The following TBCEL variants were observed in gnomAD, a reference collection of about 807,000 sequenced individuals.
The protein encoded by TBCEL is tubulin-specific chaperone cofactor E-like protein.
TBCEL carries 15 observed loss-of-function variants against 44.2 expected under a neutral mutation model. The ratio of observed to expected loss-of-function variants is 0.34; its 90% CI spans 0.23 to 0.52. The LOEUF (loss-of-function observed/expected upper bound fraction) is 0.52, where lower values mean the gene tolerates loss of function less well. Among genes scored for constraint, TBCEL ranks in the 20% least tolerant of loss-of-function variants. The pLI is 0.95. For synonymous variants in TBCEL, 171 were observed against 185.4 expected (o/e 0.92, Z 0.63); for missense variants, 319 against 506.3 (o/e 0.63, Z 3.55).
chr11:121,070,249 TTGG>T (rs1219671141), intron 8 of TBCEL, among the ~76,000 whole-genome samples: 1 of 152,232 alleles, frequency 6.6e-6, no homozygotes, highest in Non-Finnish European at 1.5e-5. Context: ...TTTTCCATAC[TTGG>T]TGGGAGTGTA....
At chr11:121,074,003 G>C (rs1945987114) in intron 8 of TBCEL, among the ~76,000 whole-genome samples, 1 of 151,874 alleles carries the variant, frequency 6.6e-6, no homozygotes, top group Non-Finnish European at 1.5e-5. Flanking sequence ...AAATTGGTCT[G>C]TAATTTTTTG....
chr11:121,039,842 G>A (rs1372029812), intron 2 of TBCEL, among the ~76,000 whole-genome samples: 3 of 152,024 alleles, frequency 2.0e-5, no homozygotes, highest in Non-Finnish European at 4.4e-5. Context: ...TTTTCAAATA[G>A]TGGTAGCAAA....
chr11:121,026,294 A>G (rs963401582), intron 1 of TBCEL, among the ~76,000 whole-genome samples: 1 of 152,358 alleles, frequency 6.6e-6, no homozygotes, highest in African/African-American at 2.4e-5. Flanking sequence ...GAAAAATAGT[A>G]TTAATTCATA....
chr11:121,057,849 C>T (rs1386970495), intron 6 of TBCEL, among the ~76,000 whole-genome samples: 1 of 151,742 alleles, frequency 6.6e-6, no homozygotes, highest in African/African-American at 2.4e-5. Context: ...CCCATGGATA[C>T]GAGGGACAGC....
At chr11:121,027,524 C>T (rs992673406) in intron 1 of TBCEL, among the ~76,000 whole-genome samples, 1 of 152,176 alleles carries the variant, frequency 6.6e-6, no homozygotes, top group African/African-American at 2.4e-5. Flanking sequence ...TACAGACTTC[C>T]TCTACTTTTT....
chr11:121,070,207 G>A (rs1231098862), intron 8 of TBCEL, among the ~76,000 whole-genome samples: 1 of 152,162 alleles, frequency 6.6e-6, no homozygotes, highest in Non-Finnish European at 1.5e-5. Context: ...GAAACAACAG[G>A]TGCTGGAGAG....
chr11:121,066,280 A>G (rs539283556), intron 8 of TBCEL, among the ~76,000 whole-genome samples: 2 of 152,324 alleles, frequency 1.3e-5, no homozygotes, highest in East Asian at 3.9e-4. Context: ...AATCTCTGTT[A>G]GACCTTGTGT....
intron 5 of TBCEL, chr11:121,054,670 C>T (rs1945588775): frequency 6.4e-6 from 1 of 157,316 alleles, no homozygotes. Context: ...TTTCTTCTAT[C>T]TCCTTTCAAC....
At chr11:121,085,046 A>G (rs1312336066) in intron 8 of TBCEL, among the ~76,000 whole-genome samples, 1 of 150,620 alleles carries the variant, frequency 6.6e-6, no homozygotes, top group East Asian at 1.9e-4. Context: ...AATAATTATT[A>G]TTATTTTTCT....
rs1474722733 is a variant in TBCEL at position 121,089,630 on chromosome 11, T to G, written c.*2534T>G. On this transcript the variant is annotated 3_prime_UTR_variant, in exon 9 of 9. Transcript: ENST00000683345. ...GTAGACACTTGTAACCAAAATTATT[T>G]TTATAACAGAACTAAAAGAAGGAGA... 1 of 152,194 alleles carries G rather than the reference T, an allele frequency of 6.6e-6. No individual in the cohort carries two copies. Among genetic ancestry groups the G allele is most frequent in the Admixed American group, 6.6e-5 (1 of 15,262 alleles). The allele number at this position is 152,194 out of a possible 1,614,324, so 9.4% of individuals were successfully genotyped here.
At chr11:121,034,763 A>G (rs753402629) in intron 1 of TBCEL, among the ~76,000 whole-genome samples, 1 of 152,216 alleles carries the variant, frequency 6.6e-6, no homozygotes, top group Non-Finnish European at 1.5e-5. Flanking sequence ...AAATGAAAAG[A>G]TGACATGCCA....
At chr11:121,038,263 C>T (rs548237206) in intron 2 of TBCEL, among the ~76,000 whole-genome samples, 14 of 152,094 alleles carry the variant, frequency 9.2e-5, no homozygotes, top group African/African-American at 2.7e-4. Context: ...TGCTCCTGGC[C>T]GAACATTATA....
Position 121,055,091 on chromosome 11 carries a change from A to G in TBCEL, c.495A>G (p.Thr165=). ...ELFLCLNDYE[T]VSCPSICCHS... is the part of the protein sequence containing the mutation. ...TCCTGTGCCTTAATGACTATGAAACAGTGTCTTGTCCTTCTATTTGCTGTC... is the reference window on the plus strand; with the variant it reads ...TCCTGTGCCTTAATGACTATGAAACGGTGTCTTGTCCTTCTATTTGCTGTC... Residue 165 remains threonine, a synonymous_variant, in exon 6 of 9, where the codon ACA becomes ACG. Transcript: ENST00000683345. The G allele has an allele frequency of 6.3e-7, 1 of 1,584,782 alleles. No homozygotes were observed. Among genetic ancestry groups the G allele is most frequent in the East Asian group, 2.3e-5 (1 of 44,196 alleles).
intron 8 of TBCEL, among the ~76,000 whole-genome samples, chr11:121,062,837 T>A (rs1945748983): frequency 2.0e-5 from 3 of 152,156 alleles, no homozygotes; most frequent in Non-Finnish European, 4.4e-5. Context: ...CTTCATATAT[T>A]GCTGCTGGCA....
In TBCEL at chr11:121,027,906, T is replaced by C. The variant is rs12294979; in HGVS notation, c.-126+3615T>C. Among the ~76,000 whole-genome samples, 1,219 of 152,132 alleles carry C rather than the reference T, an allele frequency of 8.0e-3. 18 individuals are homozygous for C. The highest frequency in any genetic ancestry group is 0.028 in the African/African-American group (1,165 of 41,506). On this transcript the variant is annotated intron_variant, in intron 1 of 8. Coordinates refer to ENST00000683345, the MANE Select transcript of TBCEL (RefSeq NM_001363644.2). ...AGTAGATCAGAATTGACTGAACGTA[T>C]GGTTAAAAATGCAGATCCGGCAAGG...
intron 1 of TBCEL, among the ~76,000 whole-genome samples, chr11:121,028,473 G>A (rs2134871914): frequency 6.6e-6 from 1 of 152,296 alleles, no homozygotes; most frequent in South Asian, 2.1e-4. Context: ...TTAGGGCCTT[G>A]AAGTCAGCCT....
chr11:121,029,799 C>G (rs1415289889), intron 1 of TBCEL, among the ~76,000 whole-genome samples: 1 of 152,158 alleles, frequency 6.6e-6, no homozygotes, highest in Admixed American at 6.5e-5. Flanking sequence ...CATTGGTGAG[C>G]TTCATTTTCA....
intron 4 of TBCEL, among the ~76,000 whole-genome samples, chr11:121,049,541 AAAT>A (rs1945491767): frequency 6.6e-6 from 1 of 151,850 alleles, no homozygotes; most frequent in African/African-American, 2.4e-5. Flanking sequence ...CTATTCTAAA[AAAT>A]AATTTCTATT....
intron 8 of TBCEL, among the ~76,000 whole-genome samples, chr11:121,061,800 GA>G (rs1945727952): frequency 1.3e-5 from 2 of 152,030 alleles, no homozygotes; most frequent in South Asian, 4.2e-4. Flanking sequence ...AGTGAATGTG[GA>G]GGCCTAGGAC....
Sources: allele counts gnomAD v4.1 joint callset (sites outside exome capture counted in the v4.1 genomes callset), GRCh38; gene constraint gnomAD v4.1.1; transcripts MANE v1.5; gene names NCBI Gene and HGNC (gene_info 2026-07-23, HGNC 2026-07-21).